FARSA: variants seen among roughly 807,000 people sequenced by gnomAD.
FARSA encodes phenylalanyl-tRNA synthetase subunit alpha, also known as phenylalanine--tRNA ligase alpha subunit.
In FARSA, 37 loss-of-function variants were observed where a neutral mutation model predicts 63.2. The observed-to-expected ratio is 0.59, with a 90% CI of 0.45 to 0.77. The LOEUF is 0.77. Among genes scored for constraint, FARSA ranks in the 30% least tolerant of loss-of-function variants. The pLI is 0.00. For missense variants in FARSA, 618 were observed against 696.6 expected (o/e 0.89, Z 1.27); for synonymous variants, 312 against 285.1 (o/e 1.09, Z -0.95).
intron 1 of FARSA, chr19:12,933,297 A>C (rs574584689): frequency 2.4e-6 from 1 of 411,250 alleles, no homozygotes; most frequent in East Asian, 4.4e-5. Context: ...GAGGGCAGCA[A>C]CCGCGACTTC....
At position 12,930,602 on chromosome 19, in the gene FARSA, C is replaced by T. The variant is rs776597259; in HGVS notation, c.285+10G>A. On this transcript the variant is annotated intron_variant, in intron 2 of 12. Transcript: ENST00000314606. ...CATCACTCACTCCCCATTCACCCCG[C>T]AGCTCCTACCATAAGCTCGCTCTGG... is the stretch of plus-strand genomic sequence containing the variant. The T allele has an allele frequency of 1.2e-6, 2 of 1,608,344 alleles. No individual in the cohort carries two copies. The highest frequency in any genetic ancestry group is 3.3e-5 in the Admixed American group (2 of 59,784).
rs574584689 is a variant in FARSA at position 12,933,297 on chromosome 19, A to G, written c.147+253T>C. On this transcript the variant is annotated intron_variant, in intron 1 of 12. Transcript: ENST00000314606. ...CGTCGCAACCTGCGTGAGGGCAGCA[A>G]CCGCGACTTCCTCGTCCATCATCGT... 3.2e-4 allele frequency: 130 copies of G among 411,252 alleles called. No individual in the cohort carries two copies. The East Asian group carries it at 5.7e-3, about 18-fold the overall frequency. 25.5% of individuals were successfully genotyped at this position (411,252 alleles called of 1,614,324 possible). A position where few individuals can be genotyped will look rare whatever the true frequency, so the allele number is the denominator to read the frequency against.
chr19:12,924,405 G>A lies in FARSA; in HGVS notation c.1273+44C>T. The A allele has an allele frequency of 6.3e-7, 1 of 1,599,396 alleles. No homozygotes were observed. Among genetic ancestry groups the A allele is most frequent in the Non-Finnish European group, 8.5e-7 (1 of 1,169,804 alleles). ...GGGGGACCCAGGCCAAACCATAGTA[G>A]CCTGAGACCTCCCTCCCACCCCAGT... On this transcript the variant is annotated intron_variant, in intron 11 of 12. Transcript: ENST00000314606. The surrounding 1 kb of genome is among the most constrained non-coding windows in gnomAD (Gnocchi z 6.4).
intron 1 of FARSA, chr19:12,933,060 AAT>A (rs1329576850): frequency 6.1e-6 from 1 of 163,496 alleles, no homozygotes; most frequent in East Asian, 1.9e-4. Flanking sequence ...GAGGCTTTGC[AAT>A]TACAGCTATG....
chr19:12,924,869 C>T lies in FARSA; in HGVS notation c.1026+35G>A, dbSNP rs368444217. On this transcript the variant is annotated intron_variant, in intron 9 of 12. Transcript: ENST00000314606. This position sits in a 1 kb window ranked among gnomAD's most constrained non-coding sequence, Gnocchi z 6.4. ...CAGAAGGTCCCTTTGACAGCACCCT[C>T]TCCCCACTGGGGCCCCCGCCTGGGC... is the stretch of plus-strand genomic sequence containing the variant. The T allele has an allele frequency of 6.2e-6, 10 of 1,614,070 alleles. No homozygotes were observed. The highest frequency in any genetic ancestry group is 2.2e-5 in the South Asian group (2 of 91,072).
intron 7 of FARSA, among the ~76,000 whole-genome samples, chr19:12,925,380 C>T (rs1336350817): frequency 6.6e-6 from 1 of 151,516 alleles, no homozygotes; most frequent in African/African-American, 2.4e-5. Flanking sequence ...TTTTTTGAGA[C>T]AGAGTCTTGT....
In FARSA at chr19:12,927,860, A is replaced by G. The variant is rs182664102; in HGVS notation, c.841+482T>C. On this transcript the variant is annotated intron_variant, in intron 7 of 12. Transcript: ENST00000314606. ...AACATGGCAAAACTCCATCTCTACT[A>G]AAAATACAAAAATTAGCTGGGCATG... Among the ~76,000 whole-genome samples, 356 of 151,454 alleles carry G rather than the reference A, an allele frequency of 2.4e-3. 3 individuals are homozygous for G. Among genetic ancestry groups the G allele is most frequent in the Admixed American group, 8.7e-3 (132 of 15,188 alleles).
At chr19:12,927,584 T>C (rs1971340663) in intron 7 of FARSA, among the ~76,000 whole-genome samples, 2 of 150,616 alleles carry the variant, frequency 1.3e-5, no homozygotes, top group South Asian at 4.2e-4. Context: ...ACACAAAAAT[T>C]AGCCGAGCGT....
rs530788697 is a variant in FARSA at position 12,927,379 on chromosome 19, T to G, written c.841+963A>C. On this transcript the variant is annotated intron_variant, in intron 7 of 12. Transcript: ENST00000314606. ...CTTTGGGAGGCTGAGGCAAAACTGT[T>G]TGAGATCAGGAGTTTGAGACCAGCC... is the stretch of plus-strand genomic sequence containing the variant. 1.4e-4 allele frequency among the ~76,000 whole-genome samples: 21 copies of G among 150,730 alleles called. No homozygotes were observed. The East Asian group carries it at 4.2e-3, about 30-fold the overall frequency.
At chr19:12,929,191 T>G (rs1051630221) in intron 4 of FARSA, among the ~76,000 whole-genome samples, 1 of 151,872 alleles carries the variant, frequency 6.6e-6, no homozygotes, top group East Asian at 1.9e-4. Context: ...AAGAGGGCAG[T>G]TTTTTTTATT....
chr19:12,930,152 T>C (rs1450309804), intron 4 of FARSA, 71 bp downstream of exon 4: 1 of 1,222,960 alleles, frequency 8.2e-7, no homozygotes, highest in Non-Finnish European at 1.2e-6. Flanking sequence ...GCAAGATGTC[T>C]CCCTCCCACC....
chr19:12,931,077 A>ATATGT (rs1971389199), intron 1 of FARSA, among the ~76,000 whole-genome samples: 1 of 152,138 alleles, frequency 6.6e-6, no homozygotes, highest in African/African-American at 2.4e-5. Context: ...AGGTGAACTG[A>ATATGT]TATGTCTCCA....
In FARSA at chr19:12,930,555, G is replaced by A. The variant is rs1227937591; in HGVS notation, c.286-28C>T. The A allele has an allele frequency of 5.6e-6, 9 of 1,609,992 alleles. No individual in the cohort carries two copies. The Admixed American group carries it at 1.5e-4, about 27-fold the overall frequency. ...GGAAAAGAGAGGCTGCAGTGAGTGG[G>A]GCACGAGGGCCACCTTCATCCCATC... On this transcript the variant is annotated intron_variant, in intron 2 of 12. Coordinates refer to ENST00000314606, the MANE Select transcript of FARSA (RefSeq NM_004461.3).
rs757804010 is a variant in FARSA at position 12,930,337 on chromosome 19, T to A, written c.389A>T (p.Asp130Val). ...CCGCTGCACCTCATCCTCCATGCTG[T>A]CCACCTGCCAGGATAAGGAGTGTGA... The part of the protein sequence containing the change: ...ADGPRVFRVV[D>V]SMEDEVQRRL... The change falls in exon 4 of 13, where the codon GAC (aspartate) becomes GTC (valine). Residue 130 changes from aspartate to valine, a missense_variant. Coordinates refer to ENST00000314606, the MANE Select transcript of FARSA (RefSeq NM_004461.3). 9 of 1,613,980 alleles carry A rather than the reference T, an allele frequency of 5.6e-6. No individual in the cohort carries two copies. Among genetic ancestry groups the A allele is most frequent in the Admixed American group, 3.3e-5 (2 of 59,992 alleles).
chr19:12,924,475 C>A lies in FARSA; in HGVS notation c.1247G>T (p.Ser416Ile). 1 of 1,613,550 alleles carries A rather than the reference C, an allele frequency of 6.2e-7. No individual in the cohort carries two copies. Among genetic ancestry groups the A allele is most frequent in the South Asian group, 1.1e-5 (1 of 91,088 alleles). Residue 416 changes from serine (S) to isoleucine (I), a missense_variant, in exon 11 of 13, where the codon AGC (serine) becomes ATC (isoleucine). Transcript: ENST00000314606. The surrounding 1 kb of genome is among the most constrained non-coding windows in gnomAD (Gnocchi z 6.4). ...TTGGTGGTAGCTGAACACCTCCATG[C>A]TGGGCTCTGTGTATGGGTTGTAGGC... is the stretch of plus-strand genomic sequence containing the variant. ...KPAYNPYTEP[S>I]MEVFSYHQGL...
At position 12,930,446 on chromosome 19, in the gene FARSA, G is replaced by A. The variant is rs1971379348; in HGVS notation, c.367C>T (p.Pro123Ser). Residue 123 changes from proline (P) to serine (S), a missense_variant, in exon 3 of 13, where the codon CCC becomes TCC. Physicochemically the swap from Pro to Ser is moderately conservative, Grantham distance 74. Transcript: ENST00000314606. ...IRVDKSAADG[P>S]RVFRVVDSME... ...GAACGCACCACTCGGAACACCCGGG[G>A]CCCGTCAGCCGCACTCTTGTCCACC... 3.7e-6 allele frequency: 6 copies of A among 1,614,128 alleles called. No individual in the cohort carries two copies. The highest frequency in any genetic ancestry group is 5.1e-6 in the Non-Finnish European group (6 of 1,179,988).
intron 4 of FARSA, among the ~76,000 whole-genome samples, chr19:12,929,454 G>A (rs141990965): frequency 1.9e-3 from 294 of 152,234 alleles, no homozygotes; most frequent in African/African-American, 6.5e-3. Context: ...TGATTTGCCC[G>A]CCTCGGCCTC....
chr19:12,932,406 C>T (rs957960501), intron 1 of FARSA, among the ~76,000 whole-genome samples: 3 of 152,036 alleles, frequency 2.0e-5, no homozygotes, highest in Non-Finnish European at 4.4e-5. Flanking sequence ...TATTATTTAA[C>T]CCTCTGTGAC....
rs369688067 is a variant in FARSA at position 12,924,597 on chromosome 19, C to G, written c.1195+42G>C. Reference sequence around the variant, plus strand: ...AATGCTGGTGATCAACACACCTGCCCGCTGCCTCACCACCATGGCCCACCC... The same window carrying G: ...AATGCTGGTGATCAACACACCTGCCGGCTGCCTCACCACCATGGCCCACCC... On this transcript the variant is annotated intron_variant, in intron 10 of 12. Coordinates refer to ENST00000314606, the MANE Select transcript of FARSA (RefSeq NM_004461.3). The surrounding 1 kb of genome is among the most constrained non-coding windows in gnomAD (Gnocchi z 6.4). The G allele has an allele frequency of 1.7e-5, 27 of 1,612,028 alleles. No individual in the cohort carries two copies. Among genetic ancestry groups the G allele is most frequent in the Non-Finnish European group, 2.3e-5 (27 of 1,179,190 alleles).
Sources: allele counts gnomAD v4.1 joint callset (sites outside exome capture counted in the v4.1 genomes callset), GRCh38; gene constraint gnomAD v4.1.1; non-coding constraint Gnocchi (gnomAD v3.1); transcripts MANE v1.5; gene names NCBI Gene and HGNC (gene_info 2026-07-23, HGNC 2026-07-21).